The following STK3 variants were observed in gnomAD, a reference collection of about 807,000 sequenced individuals.
STK3 encodes serine/threonine-protein kinase 3.
Under a neutral mutation model 58.0 loss-of-function variants are expected in STK3, and 41 were observed. The observed-to-expected ratio is 0.71, with a 90% CI of 0.55 to 0.92. The LOEUF (loss-of-function observed/expected upper bound fraction) is 0.92, where lower values mean the gene tolerates loss of function less well. Among genes scored for constraint, STK3 ranks in the 40% least tolerant of loss-of-function variants. The probability of loss-of-function intolerance (pLI) is 0.00; values close to 1 mark genes in which losing one functional copy is unlikely to be tolerated. For synonymous variants in STK3, 170 were observed against 191.0 expected, an observed-to-expected ratio of 0.89 and a Z score of 0.91; for missense variants, 479 against 602.7, an observed-to-expected ratio of 0.79 and a Z score of 2.15.
chr8:98,868,477 GGTTCTGCCACAGCTCA>G (rs1251174785), intron 3 of STK3, among the ~76,000 whole-genome samples: 9 of 152,152 alleles, frequency 5.9e-5, no homozygotes, highest in East Asian at 1.9e-4. Context: ...CCACTCAGTG[GGTTCTGCCACAGCTCA>G]GTTCTGCCAC....
intron 10 of STK3, among the ~76,000 whole-genome samples, chr8:98,492,720 G>A (rs1016781856): frequency 1.3e-5 from 2 of 151,998 alleles, no homozygotes; most frequent in African/African-American, 4.8e-5. Flanking sequence ...AGAGAGGGGA[G>A]TAATTATCAG....
intron 2 of STK3, chr8:98,436,653 T>G (rs1818501004): frequency 1.3e-5 from 2 of 152,208 alleles, no homozygotes; most frequent in Admixed American, 1.3e-4. Context: ...TCATAAGCAG[T>G]GTAGACTTGA....
At chr8:98,431,411 G>A (rs1044392621) in intron 3 of STK3, 1 of 167,116 alleles carries the variant, frequency 6.0e-6, no homozygotes, top group Non-Finnish European at 1.5e-5. Context: ...TGAATCAGAG[G>A]AGCAGAGTTA....
At chr8:98,477,657 G>A (rs1020962038) in intron 10 of STK3, among the ~76,000 whole-genome samples, 1 of 136,898 alleles carries the variant, frequency 7.3e-6, no homozygotes, top group Non-Finnish European at 1.5e-5. Context: ...GAAATTCTGT[G>A]GTATAAGGTT....
At chr8:98,360,276 T>G in the STK3 span, among the ~76,000 whole-genome samples, 1 of 152,212 alleles carries the variant, frequency 6.6e-6, no homozygotes, top group Admixed American at 6.5e-5. Context: ...CTCTCCCACG[T>G]TGCCCTGTGC....
intron 4 of STK3, among the ~76,000 whole-genome samples, chr8:98,730,372 G>A (rs1460623503): frequency 6.6e-6 from 1 of 152,090 alleles, no homozygotes; most frequent in East Asian, 1.9e-4. Context: ...TCCTGATAAA[G>A]GTATATAGTG....
At chr8:98,709,272 A>G (rs1826208018) in intron 4 of STK3, among the ~76,000 whole-genome samples, 1 of 152,172 alleles carries the variant, frequency 6.6e-6, no homozygotes, top group Non-Finnish European at 1.5e-5. Flanking sequence ...TTAGATTGAC[A>G]TTCAAGAAGG....
rs544845796 is a variant in STK3, at chr8:98,608,472, C to A, written c.685-12303G>T. ...TGTTCACCAGCAACAGTACCACAAA[C>A]TTGTTTCATTTTATATTATGTCCTT... On this transcript the variant is annotated intron_variant, in intron 6 of 10. Transcript: ENST00000419617. 7.9e-4 allele frequency among the ~76,000 whole-genome samples: 120 copies of A among 152,222 alleles called. 1 individual carries two copies. Among genetic ancestry groups the A allele is most frequent in the African/African-American group, 2.9e-3 (119 of 41,540 alleles).
chr8:98,866,084 C>T (rs918610013), intron 3 of STK3, among the ~76,000 whole-genome samples: 1 of 152,246 alleles, frequency 6.6e-6, no homozygotes, highest in Non-Finnish European at 1.5e-5. Flanking sequence ...AGTTTTTAGA[C>T]CATCATGCTC....
At chr8:98,468,950 A>G (rs954440016) in intron 10 of STK3, among the ~76,000 whole-genome samples, 1 of 152,080 alleles carries the variant, frequency 6.6e-6, no homozygotes, top group African/African-American at 2.4e-5. Flanking sequence ...CTCTACTAAA[A>G]ATACAAAAAT....
intron 9 of STK3, among the ~76,000 whole-genome samples, chr8:98,529,469 C>T (rs1000185402): frequency 5.9e-5 from 9 of 152,066 alleles, no homozygotes; most frequent in South Asian, 2.1e-4. Flanking sequence ...TGTCTCATTG[C>T]CTTAAAATAA....
At chr8:98,834,357 C>T (rs1239065272) in intron 3 of STK3, among the ~76,000 whole-genome samples, 3 of 152,266 alleles carry the variant, frequency 2.0e-5, no homozygotes, top group Non-Finnish European at 2.9e-5. Flanking sequence ...AAACTCTCTA[C>T]TTATATTAAT....
intron 6 of STK3, among the ~76,000 whole-genome samples, chr8:98,617,798 A>T (rs1027992266): frequency 1.3e-5 from 2 of 151,944 alleles, no homozygotes; most frequent in African/African-American, 4.8e-5. Flanking sequence ...CAATAACAGG[A>T]GCTGAAATTG....
chr8:98,714,979 A>C (rs1424021554), intron 4 of STK3, among the ~76,000 whole-genome samples: 2 of 152,212 alleles, frequency 1.3e-5, no homozygotes, highest in African/African-American at 4.8e-5. Context: ...ATAATGCCGC[A>C]TATCTACAAC....
At chr8:98,627,572 C>T (rs1199677050) in intron 6 of STK3, among the ~76,000 whole-genome samples, 1 of 151,892 alleles carries the variant, frequency 6.6e-6, no homozygotes, top group African/African-American at 2.4e-5. Flanking sequence ...CTGCTATCAC[C>T]ATGTGACATA....
At chr8:98,790,122 C>G (rs1832718138) in intron 1 of STK3, among the ~76,000 whole-genome samples, 1 of 150,974 alleles carries the variant, frequency 6.6e-6, no homozygotes, top group Admixed American at 6.6e-5. Context: ...GCCAATCCTA[C>G]TGAAACTATA....
At chr8:98,538,910 C>T (rs1375604705) in intron 9 of STK3, among the ~76,000 whole-genome samples, 4 of 152,150 alleles carry the variant, frequency 2.6e-5, no homozygotes, top group South Asian at 2.1e-4. Context: ...CTGGATTCCT[C>T]GTACTTTTGT....
At chr8:98,794,063 C>T (rs1832972973) in intron 1 of STK3, among the ~76,000 whole-genome samples, 1 of 152,092 alleles carries the variant, frequency 6.6e-6, no homozygotes, top group Non-Finnish European at 1.5e-5. Context: ...GTTTACAACA[C>T]TAAACACCTA....
intron 6 of STK3, among the ~76,000 whole-genome samples, chr8:98,651,908 G>A (rs1363305348): frequency 1.3e-5 from 2 of 151,658 alleles, no homozygotes; most frequent in East Asian, 1.9e-4. Context: ...AAAACACTCT[G>A]CAGGATATTA....
Sources: allele counts gnomAD v4.1 joint callset (sites outside exome capture counted in the v4.1 genomes callset), GRCh38; gene constraint gnomAD v4.1.1; transcripts MANE v1.5; gene names NCBI Gene and HGNC (gene_info 2026-07-23, HGNC 2026-07-21).